CENPP: variants seen among roughly 807,000 people sequenced by gnomAD.
The protein encoded by CENPP is centromere protein P.
In CENPP, 24 loss-of-function variants were observed where a neutral mutation model predicts 35.6. The ratio of observed to expected loss-of-function variants is 0.67; its 90% CI spans 0.49 to 0.95. The LOEUF (loss-of-function observed/expected upper bound fraction) is 0.95. Among genes scored for constraint, CENPP ranks in the 40% least tolerant of loss-of-function variants. The pLI, the probability that CENPP is intolerant of heterozygous loss-of-function variation, is 0.00. For synonymous variants in CENPP, 120 were observed against 125.5 expected (o/e 0.96, Z 0.29); for missense variants, 332 against 345.3 (o/e 0.96, Z 0.31).
At chr9:92,340,958 T>C (rs1385480322) in intron 3 of CENPP, among the ~76,000 whole-genome samples, 1 of 152,216 alleles carries the variant, frequency 6.6e-6, no homozygotes. Context: ...CATATTTCTC[T>C]TCTTTCAAAA....
intron 3 of CENPP, among the ~76,000 whole-genome samples, chr9:92,338,118 C>A (rs891427549): frequency 6.6e-6 from 1 of 152,026 alleles, no homozygotes; most frequent in African/African-American, 2.4e-5. Flanking sequence ...TTGAGACCAG[C>A]GTGGGCAATG....
intron 5 of CENPP, chr9:92,416,692 G>A: frequency 6.2e-7 from 1 of 1,611,816 alleles, no homozygotes; most frequent in East Asian, 2.2e-5. Flanking sequence ...TCAATTTGTT[G>A]TGTCCAACAC....
chr9:92,329,482 G>A (rs905161679), intron 1 of CENPP, among the ~76,000 whole-genome samples: 25 of 152,074 alleles, frequency 1.6e-4, no homozygotes, highest in African/African-American at 4.3e-4. Flanking sequence ...GTGCCCGGCC[G>A]CACATCATTT....
At chr9:92,514,642 A>G in intron 5 of CENPP, 1 of 1,581,170 alleles carries the variant, frequency 6.3e-7, no homozygotes, top group Non-Finnish European at 8.6e-7. Context: ...AGTGAGCTCC[A>G]GACTTGTTAT....
chr9:92,382,050 A>G (rs1387436566), intron 5 of CENPP, among the ~76,000 whole-genome samples: 1 of 151,928 alleles, frequency 6.6e-6, no homozygotes, highest in Non-Finnish European at 1.5e-5. Flanking sequence ...ATGTCTGTGC[A>G]AGTCCTTAGC....
chr9:92,551,456 G>A (rs1036395654), intron 5 of CENPP, among the ~76,000 whole-genome samples: 4 of 152,054 alleles, frequency 2.6e-5, no homozygotes, highest in African/African-American at 7.2e-5. Context: ...TCCCACCTTA[G>A]CCTGTCAAAT....
chr9:92,559,892 C>T (rs759238344), intron 5 of CENPP, among the ~76,000 whole-genome samples: 1 of 152,302 alleles, frequency 6.6e-6, no homozygotes, highest in Non-Finnish European at 1.5e-5. Flanking sequence ...GGGCCTGGTG[C>T]AATGGCTTAT....
At chr9:92,516,067 T>C (rs1223386100) in intron 5 of CENPP, among the ~76,000 whole-genome samples, 1 of 142,518 alleles carries the variant, frequency 7.0e-6, no homozygotes, top group Non-Finnish European at 1.6e-5. Context: ...GTGCATACTT[T>C]TTTTTCCCCC....
intron 5 of CENPP, among the ~76,000 whole-genome samples, chr9:92,454,559 A>G (rs755350281): frequency 1.3e-5 from 2 of 152,196 alleles, no homozygotes; most frequent in African/African-American, 4.8e-5. Flanking sequence ...TATTAAAGCA[A>G]TTGAAACTTT....
At chr9:92,478,492 C>A (rs963527635) in intron 5 of CENPP, among the ~76,000 whole-genome samples, 3 of 152,086 alleles carry the variant, frequency 2.0e-5, no homozygotes, top group African/African-American at 7.2e-5. Context: ...CTCACTTTGT[C>A]GCCCAGGCTG....
chr9:92,502,406 G>A (rs1283031922), intron 5 of CENPP: 2 of 1,373,248 alleles, frequency 1.5e-6, no homozygotes, highest in East Asian at 2.4e-5. Flanking sequence ...GAGCCCTTCA[G>A]TATCGTCACC....
chr9:92,474,925 G>A, intron 5 of CENPP: 4 of 1,570,812 alleles, frequency 2.5e-6, no homozygotes, highest in South Asian at 1.2e-5. Context: ...GACCAGTCTA[G>A]GACTAAACAG....
intron 1 of CENPP, 111 bp downstream of exon 1, chr9:92,326,216 C>T: frequency 1.4e-6 from 1 of 697,820 alleles, no homozygotes; most frequent in Non-Finnish European, 2.4e-6. Context: ...AGAAAGTGGG[C>T]ATGAACTGGC....
Position 92,618,417 on chromosome 9 carries a change from C to G in CENPP, c.*5268C>G. The stretch of plus-strand genomic sequence containing the variant: ...TCACTGACCAGGCACTAAGAGATTC[C>G]CAGGTGCTAGACGAGGTGAGTAACA... On this transcript the variant is annotated 3_prime_UTR_variant, in exon 8 of 8. Coordinates refer to ENST00000375587, the MANE Select transcript of CENPP (RefSeq NM_001012267.3). 2.2e-6 allele frequency: 1 copy of G among 456,678 alleles called. No individual in the cohort carries two copies. 28.3% of individuals were successfully genotyped at this position (456,678 alleles called of 1,614,324 possible). A position where few individuals can be genotyped will look rare whatever the true frequency, so the allele number is the denominator to read the frequency against.
At position 92,615,878 on chromosome 9, in the gene CENPP, C is replaced by T. The variant is rs149465891; in HGVS notation, c.*2729C>T. ...TGTGCAATCTTCGCTTTCCTTGAAC[C>T]GAGTCGACATCACGGCGTTGTCTTT... On this transcript the variant is annotated 3_prime_UTR_variant, in exon 8 of 8. Transcript: ENST00000375587. 17 of 1,614,120 alleles carry T rather than the reference C, an allele frequency of 1.1e-5. No individual in the cohort carries two copies. The highest frequency in any genetic ancestry group is 1.4e-5 in the Non-Finnish European group (16 of 1,180,012).
chr9:92,336,121 C>A (rs1374063181), intron 2 of CENPP, among the ~76,000 whole-genome samples: 1 of 152,210 alleles, frequency 6.6e-6, no homozygotes. Context: ...ACGACATAGA[C>A]ATATTTGAAG....
At chr9:92,514,714 T>C (rs1470863946) in intron 5 of CENPP, 2 of 1,613,892 alleles carry the variant, frequency 1.2e-6, no homozygotes, top group African/African-American at 1.3e-5. Context: ...GATGGTCCTG[T>C]AGGACAGAGA....
At chr9:92,416,202 C>T (rs1439907591) in intron 5 of CENPP, among the ~76,000 whole-genome samples, 1 of 151,210 alleles carries the variant, frequency 6.6e-6, no homozygotes, top group Non-Finnish European at 1.5e-5. Context: ...TGGGTTCAAG[C>T]AACTCTCATG....
Position 92,410,421 on chromosome 9 carries a change from CAGG to C in CENPP, c.564+30569_564+30571del, listed in dbSNP as rs1247625762. Among the ~76,000 whole-genome samples the C allele has an allele frequency of 2.0e-5, 3 of 152,118 alleles. No individual in the cohort carries two copies. The East Asian group carries it at 5.8e-4, about 29-fold the overall frequency. On this transcript the variant is annotated intron_variant, in intron 5 of 7. Coordinates refer to ENST00000375587, the MANE Select transcript of CENPP (RefSeq NM_001012267.3). Reference sequence around the variant, plus strand: ...GAGTTGAACTGTTCTTGCTAATAAACAGGAGGAGGTTGACCACACTCTGGGGCA... The same window carrying C: ...GAGTTGAACTGTTCTTGCTAATAAACAGGAGGTTGACCACACTCTGGGGCA...
Sources: gnomAD v4.1 joint callset for allele counts (sites outside exome capture counted in the v4.1 genomes callset) on GRCh38, gnomAD v4.1.1 for gene constraint, MANE v1.5 for transcripts, NCBI Gene and HGNC (gene_info 2026-07-23, HGNC 2026-07-21) for gene names.